Variants in BMPR2 observed in about 807,000 individuals in gnomAD.
BMPR2 encodes the protein bone morphogenetic protein receptor type-2.
BMPR2 carries 29 observed loss-of-function variants against 100.8 expected under a neutral mutation model. The observed-to-expected ratio is 0.29, with a 90% CI of 0.21 to 0.39. BMPR2 has a LOEUF of 0.39. Among genes scored for constraint, BMPR2 ranks in the 10% least tolerant of loss-of-function variants. The pLI, the probability that BMPR2 is intolerant of heterozygous loss-of-function variation, is 1.00. For synonymous variants in BMPR2, 382 were observed against 442.3 expected (o/e 0.86, Z 1.71); for missense variants, 1,011 against 1,274.5 (o/e 0.79, Z 3.15).
chr2:202,458,283 C>CAA (rs71035009), intron 1 of BMPR2, among the ~76,000 whole-genome samples: 137 of 52,212 alleles, frequency 2.6e-3, no homozygotes, highest in Middle Eastern at 0.013. Context: ...CTTGTCTCTG[C>CAA]AAAAAAAAAA....
chr2:202,388,682 G>A (rs1205410472), intron 1 of BMPR2, among the ~76,000 whole-genome samples: 1 of 151,680 alleles, frequency 6.6e-6, no homozygotes, highest in Non-Finnish European at 1.5e-5. Context: ...CAGCTACTCA[G>A]GAGGCTGAGG....
intron 1 of BMPR2, among the ~76,000 whole-genome samples, chr2:202,381,208 C>A (rs1037873202): frequency 6.6e-6 from 1 of 151,784 alleles, no homozygotes; most frequent in African/African-American, 2.4e-5. Flanking sequence ...CTCCTGACCT[C>A]GTGATCTGCC....
intron 3 of BMPR2, among the ~76,000 whole-genome samples, chr2:202,485,114 A>G (rs1023990195): frequency 3.3e-5 from 5 of 152,024 alleles, no homozygotes; most frequent in African/African-American, 4.8e-5. Context: ...GACATGAGCC[A>G]CTGCGCCCAG....
chr2:202,500,821 G>A lies in BMPR2; in HGVS notation c.419-12898G>A, dbSNP rs377586432. On this transcript the variant is annotated intron_variant, in intron 3 of 12. Coordinates refer to ENST00000374580, the MANE Select transcript of BMPR2 (RefSeq NM_001204.7). The stretch of plus-strand genomic sequence containing the variant: ...TACCAGAGGAAGCAGAATGGTTCAC[G>A]GTTCTGGACCTCAAGGATGCCTTCT... 3.3e-3 allele frequency among the ~76,000 whole-genome samples: 506 copies of A among 152,232 alleles called. 1 individual carries two copies. Among genetic ancestry groups the A allele is most frequent in the East Asian group, 0.017 (89 of 5,182 alleles).
At chr2:202,440,010 CAT>C (rs1691700081) in intron 1 of BMPR2, among the ~76,000 whole-genome samples, 1 of 150,344 alleles carries the variant, frequency 6.7e-6, no homozygotes, top group Non-Finnish European at 1.5e-5. Context: ...GGACACAGCA[CAT>C]GTTTCAGAGA....
intron 3 of BMPR2, among the ~76,000 whole-genome samples, chr2:202,492,125 T>C (rs1161370294): frequency 6.6e-6 from 1 of 152,054 alleles, no homozygotes; most frequent in Admixed American, 6.5e-5. Context: ...GTAATACTAT[T>C]AAGAAAAGCA....
At chr2:202,535,581 G>C (rs982233763) in intron 9 of BMPR2, among the ~76,000 whole-genome samples, 1 of 151,712 alleles carries the variant, frequency 6.6e-6, no homozygotes, top group Admixed American at 6.6e-5. Context: ...GCCGGGCGGA[G>C]ACGCTCCCCA....
At chr2:202,429,039 C>CT (rs1186906740) in intron 1 of BMPR2, among the ~76,000 whole-genome samples, 3 of 152,150 alleles carry the variant, frequency 2.0e-5, no homozygotes, top group African/African-American at 7.2e-5. Flanking sequence ...AGGGCCTATA[C>CT]TAGTTCCATT....
rs1691659065 is a variant in BMPR2 at position 202,438,369 on chromosome 2, C to G, written c.77-26440C>G. Among the ~76,000 whole-genome samples the G allele has an allele frequency of 2.0e-5, 3 of 150,378 alleles. 1 individual carries two copies. The highest frequency in any genetic ancestry group is 5.0e-5 in the African/African-American group (2 of 39,792). On this transcript the variant is annotated intron_variant, in intron 1 of 12. Coordinates refer to ENST00000374580, the MANE Select transcript of BMPR2 (RefSeq NM_001204.7). Reference sequence around the variant, plus strand: ...TCTTTTTATATTCTGGATACTAGTACTTTGTTAGTTATATGACTTGTAAAT... The same window carrying G: ...TCTTTTTATATTCTGGATACTAGTAGTTTGTTAGTTATATGACTTGTAAAT...
At chr2:202,490,654 G>A (rs1249424162) in intron 3 of BMPR2, among the ~76,000 whole-genome samples, 2 of 152,196 alleles carry the variant, frequency 1.3e-5, no homozygotes, top group Non-Finnish European at 2.9e-5. Flanking sequence ...AATTTCTCCA[G>A]TGCTTCTAAG....
In BMPR2 at chr2:202,449,192, C is replaced by T. The variant is rs183287891; in HGVS notation, c.77-15617C>T. 2.9e-3 allele frequency among the ~76,000 whole-genome samples: 437 copies of T among 151,890 alleles called. 4 individuals carry two copies. Among genetic ancestry groups the T allele is most frequent in the Non-Finnish European group, 3.9e-3 (262 of 67,952 alleles). On this transcript the variant is annotated intron_variant, in intron 1 of 12. Coordinates refer to ENST00000374580, the MANE Select transcript of BMPR2 (RefSeq NM_001204.7). ...GCATGGTGGCACATGCCTGTAATCT[C>T]GGTTACTCAGGAGGCTGAGGCAGGA...
intron 1 of BMPR2, among the ~76,000 whole-genome samples, chr2:202,456,649 G>A (rs533816976): frequency 1.4e-3 from 215 of 151,612 alleles, no homozygotes; most frequent in African/African-American, 4.5e-3. Flanking sequence ...CAAGTAGCTG[G>A]GACTATAGGC....
chr2:202,492,299 G>A (rs975903381), intron 3 of BMPR2, among the ~76,000 whole-genome samples: 1 of 151,850 alleles, frequency 6.6e-6, no homozygotes, highest in African/African-American at 2.4e-5. Flanking sequence ...GATTCACCAA[G>A]CTCTGCATTT....
intron 1 of BMPR2, among the ~76,000 whole-genome samples, chr2:202,401,030 G>A (rs892565379): frequency 6.6e-6 from 1 of 152,148 alleles, no homozygotes; most frequent in Admixed American, 6.6e-5. Context: ...AATTCAAATT[G>A]TGAAAGGGCA....
At chr2:202,544,133 C>A (rs1688331287) in intron 10 of BMPR2, among the ~76,000 whole-genome samples, 1 of 151,932 alleles carries the variant, frequency 6.6e-6, no homozygotes, top group African/African-American at 2.4e-5. Context: ...CAGAGTGAGA[C>A]CCCATCTCAA....
At chr2:202,472,654 CAAAAAG>C (rs1013452817) in intron 3 of BMPR2, among the ~76,000 whole-genome samples, 1 of 152,002 alleles carries the variant, frequency 6.6e-6, no homozygotes, top group Non-Finnish European at 1.5e-5. Context: ...GACTCCGTCT[CAAAAAG>C]AAAAAGAAAG....
At chr2:202,527,461 C>T (rs1687937625) in intron 7 of BMPR2, among the ~76,000 whole-genome samples, 1 of 150,908 alleles carries the variant, frequency 6.6e-6, no homozygotes, top group South Asian at 2.1e-4. Flanking sequence ...TGCACTCCAG[C>T]CTGGGCGACG....
intron 1 of BMPR2, among the ~76,000 whole-genome samples, chr2:202,405,985 T>A (rs1392440819): frequency 6.6e-6 from 1 of 150,912 alleles, no homozygotes; most frequent in Non-Finnish European, 1.5e-5. Flanking sequence ...ATGTGTAGTT[T>A]GTTTTTGCTA....
At chr2:202,541,207 G>A (rs1045806505) in intron 9 of BMPR2, among the ~76,000 whole-genome samples, 1 of 152,120 alleles carries the variant, frequency 6.6e-6, no homozygotes, top group African/African-American at 2.4e-5. Context: ...TTGGGAGGCT[G>A]AGGCAGGAAA....
Sources: gnomAD v4.1 joint callset for allele counts (sites outside exome capture counted in the v4.1 genomes callset) on GRCh38, gnomAD v4.1.1 for gene constraint, MANE v1.5 for transcripts, NCBI Gene and HGNC (gene_info 2026-07-23, HGNC 2026-07-21) for gene names.